COX4I2: variants seen among roughly 807,000 people sequenced by gnomAD.
COX4I2 encodes cytochrome c oxidase subunit 4 isoform 2, mitochondrial.
In COX4I2, 15 loss-of-function variants were observed where a neutral mutation model predicts 20.8. The ratio of observed to expected loss-of-function variants is 0.72; its 90% CI spans 0.48 to 1.11. COX4I2 has a LOEUF of 1.11. Among genes scored for constraint, COX4I2 ranks in the 50% most tolerant of loss-of-function variants. COX4I2 has a pLI of 0.00. For missense variants in COX4I2, 224 were observed against 223.0 expected, an observed-to-expected ratio of 1.00 and a Z score of -0.03; for synonymous variants, 80 against 78.1, an observed-to-expected ratio of 1.02 and a Z score of -0.13.
chr20:31,643,362 G>A (rs923676001), intron 3 of COX4I2, 42 bp from the exon 4 acceptor site: 2 of 1,612,950 alleles, frequency 1.2e-6, no homozygotes, highest in Non-Finnish European at 1.7e-6. Flanking sequence ...CACTTAGAGT[G>A]GACGCACCTG....
intron 2 of COX4I2, 177 bp downstream of exon 2, chr20:31,639,276 G>A (rs1407209376): frequency 8.1e-6 from 8 of 985,320 alleles, no homozygotes; most frequent in Non-Finnish European, 9.6e-6. Flanking sequence ...AATGGAGTGC[G>A]CGGGGTGAGC....
intron 3 of COX4I2, among the ~76,000 whole-genome samples, chr20:31,642,651 G>T (rs1568833720): frequency 6.6e-6 from 1 of 151,778 alleles, no homozygotes; most frequent in South Asian, 2.1e-4. Flanking sequence ...TGTTAGCCAG[G>T]ATGGTCTCGA....
chr20:31,639,937 TG>T lies in COX4I2; in HGVS notation c.89del (p.Gly30ValfsTer35), dbSNP rs769579078. The stretch of plus-strand genomic sequence containing the variant: ...CTCCCTCCATTGTGTCTGCAGCCCG[TG>T]GTGGGGGGAAGATGTCCCCCTACAC... ...GMHSSEGTTR[G>X]GGKMSPYTNC... On this transcript the variant is annotated frameshift_variant, in exon 3 of 5. Coordinates refer to ENST00000376075, the MANE Select transcript of COX4I2 (RefSeq NM_032609.3). LOFTEE classifies it high-confidence loss of function. 8.1e-6 allele frequency: 13 copies of T among 1,614,074 alleles called. No homozygotes were observed. Among genetic ancestry groups the T allele is most frequent in the Non-Finnish European group, 1.0e-5 (12 of 1,179,984 alleles).
rs756654227 is a variant in COX4I2, at chr20:31,639,001, T to C, written c.1-17T>C. On this transcript the variant is annotated splice_polypyrimidine_tract_variant and intron_variant, in intron 1 of 4. Transcript: ENST00000376075. The stretch of plus-strand genomic sequence containing the variant: ...GTGATGTGGGGGCAGAACTCATCTA[T>C]ACCTTCACGCCCCCAGATGCTCCCC... 5 of 1,602,896 alleles carry C rather than the reference T, an allele frequency of 3.1e-6. No individual in the cohort carries two copies. Among genetic ancestry groups the C allele is most frequent in the Non-Finnish European group, 4.3e-6 (5 of 1,174,630 alleles).
intron 3 of COX4I2, among the ~76,000 whole-genome samples, chr20:31,642,533 G>A (rs113112458): frequency 8.3e-5 from 12 of 144,038 alleles, no homozygotes; most frequent in Admixed American, 3.7e-4. Context: ...TCCGCCTCCC[G>A]GGTTCACGCC....
At chr20:31,640,626 C>T (rs2122326819) in intron 3 of COX4I2, among the ~76,000 whole-genome samples, 1 of 152,156 alleles carries the variant, frequency 6.6e-6, no homozygotes, top group African/African-American at 2.4e-5. Context: ...GGGAGGAGCC[C>T]TCTGACCCTG....
At chr20:31,644,732 G>A (rs1414678062) in intron 4 of COX4I2, 36 bp from the exon 5 acceptor site, 5 of 1,613,372 alleles carry the variant, frequency 3.1e-6, no homozygotes, top group Admixed American at 1.7e-5. Context: ...TAGGAAGACT[G>A]GCAGGATCCT....
At chr20:31,639,598 C>G (rs1326902498) in intron 2 of COX4I2, among the ~76,000 whole-genome samples, 1 of 142,978 alleles carries the variant, frequency 7.0e-6, no homozygotes, top group Admixed American at 7.0e-5. Flanking sequence ...CTCTGTCGCT[C>G]AGGCTAGAGT....
At chr20:31,641,377 AAAAG>A (rs980430069) in intron 3 of COX4I2, among the ~76,000 whole-genome samples, 9 of 151,918 alleles carry the variant, frequency 5.9e-5, no homozygotes, top group African/African-American at 2.2e-4. Flanking sequence ...AAAAAAAAAA[AAAAG>A]AGAGAGAGAG....
At chr20:31,640,994 CAT>C (rs1491466424) in intron 3 of COX4I2, among the ~76,000 whole-genome samples, 1 of 145,480 alleles carries the variant, frequency 6.9e-6, no homozygotes, top group Non-Finnish European at 1.5e-5. Flanking sequence ...CACACACACA[CAT>C]CTTGGTTTTT....
chr20:31,638,767 G>A (rs958051028), intron 1 of COX4I2, among the ~76,000 whole-genome samples: 54 of 152,076 alleles, frequency 3.6e-4, no homozygotes, highest in Non-Finnish European at 1.2e-4. Flanking sequence ...CAAGACTTAG[G>A]CCTCCTCCCA....
rs747612056 is a variant in COX4I2, at chr20:31,644,856, G to C, written c.468G>C (p.Gln156His). 1 of 1,614,086 alleles carries C rather than the reference G, an allele frequency of 6.2e-7. No homozygotes were observed. Among genetic ancestry groups the C allele is most frequent in the Non-Finnish European group, 8.5e-7 (1 of 1,180,014 alleles). Residue 156 changes from glutamine (Q) to histidine (H), a missense_variant, in exon 5 of 5, where the codon CAG becomes CAC. By Grantham distance (24) the Gln-to-His change is conservative (BLOSUM62 0). Transcript: ENST00000376075. ...TGGACATGAAGGTGAATCCTGTGCA[G>C]GGCCTGGCCTCCCGCTGGGACTATG... ...RMLDMKVNPV[Q>H]GLASRWDYEK... is the part of the protein sequence containing the mutation.
Position 31,640,092 on chromosome 20 carries a change from T to G in COX4I2, c.242T>G (p.Val81Gly). 1 of 1,608,984 alleles carries G rather than the reference T, an allele frequency of 6.2e-7. No homozygotes were observed. Among genetic ancestry groups the G allele is most frequent in the Non-Finnish European group, 8.5e-7 (1 of 1,179,474 alleles). The change falls in exon 3 of 5, where the codon GTG becomes GGG. Residue 81 changes from valine (V) to glycine (G), a missense_variant. Coordinates refer to ENST00000376075, the MANE Select transcript of COX4I2 (RefSeq NM_032609.3). The stretch of plus-strand genomic sequence containing the variant: ...ACCCAGCTGACCCACGCCGAAAAGG[T>G]GGCCTGTAAGTGTCAGGGTGGGGCT... ...SWTQLTHAEK[V>G]ALYRLQFNET...
chr20:31,639,558 C>CTT (rs770616004), intron 2 of COX4I2, among the ~76,000 whole-genome samples: 18 of 133,128 alleles, frequency 1.4e-4, no homozygotes, highest in East Asian at 8.1e-4. Context: ...TATAAACCTC[C>CTT]TTTTTTTTTT....
chr20:31,640,623 G>C (rs2060462469), intron 3 of COX4I2, among the ~76,000 whole-genome samples: 1 of 152,080 alleles, frequency 6.6e-6, no homozygotes, highest in South Asian at 2.1e-4. Flanking sequence ...TTGGGGAGGA[G>C]CCCTCTGACC....
Position 31,640,066 on chromosome 20 carries a change from G to T in COX4I2, c.216G>T (p.Trp72Cys), listed in dbSNP as rs749216933. 1 of 1,612,694 alleles carries T rather than the reference G, an allele frequency of 6.2e-7. No homozygotes were observed. Among genetic ancestry groups the T allele is most frequent in the South Asian group, 1.1e-5 (1 of 91,050 alleles). ...TGAAGGAGAAGGAGAAGGGAAGCTG[G>T]ACCCAGCTGACCCACGCCGAAAAGG... ...QALKEKEKGS[W>C]TQLTHAEKVA... The change falls in exon 3 of 5, where the codon TGG becomes TGT. Residue 72 changes from tryptophan to cysteine, a missense_variant. By Grantham distance (215) the Trp-to-Cys change is radical (BLOSUM62 -2). Transcript: ENST00000376075.
chr20:31,644,708 G>T, intron 4 of COX4I2, 60 bp from the exon 5 acceptor site: 1 of 1,606,812 alleles, frequency 6.2e-7, no homozygotes, highest in South Asian at 1.1e-5. Flanking sequence ...GGTGGCTGGA[G>T]ACCCTGGCTG....
At chr20:31,639,317 TTAGGAG>T (rs2060453283) in intron 2 of COX4I2, 65 of 983,280 alleles carry the variant, frequency 6.6e-5, no homozygotes, top group Admixed American at 1.2e-4. Flanking sequence ...CCAAGCTTCC[TTAGGAG>T]CCAGCCCCCA....
At position 31,639,482 on chromosome 20, in the gene COX4I2, C is replaced by T. The variant is rs186761471; in HGVS notation, c.82+383C>T. On this transcript the variant is annotated intron_variant, in intron 2 of 4. Coordinates refer to ENST00000376075, the MANE Select transcript of COX4I2 (RefSeq NM_032609.3). ...AGACTTCAGCCAGATAGCAGAAGGGCCTTGCTGACCCATGGAGAATAACAA... is the reference window on the plus strand; with the variant it reads ...AGACTTCAGCCAGATAGCAGAAGGGTCTTGCTGACCCATGGAGAATAACAA... Among the ~76,000 whole-genome samples the T allele has an allele frequency of 7.9e-3, 1,202 of 151,922 alleles. 15 individuals are homozygous for T. The highest frequency in any genetic ancestry group is 0.011 in the Non-Finnish European group (773 of 67,980).
Sources: gnomAD v4.1 joint callset for allele counts (sites outside exome capture counted in the v4.1 genomes callset) on GRCh38, gnomAD v4.1.1 for gene constraint, MANE v1.5 for transcripts, NCBI Gene and HGNC (gene_info 2026-07-23, HGNC 2026-07-21) for gene names.